Variants in SUGCT observed in about 807,000 individuals in gnomAD.
SUGCT encodes the protein succinyl-CoA:glutarate-CoA transferase.
Under a neutral mutation model 55.0 loss-of-function variants are expected in SUGCT, and 41 were observed. The ratio of observed to expected loss-of-function variants is 0.74; its 90% CI spans 0.58 to 0.97. SUGCT has a LOEUF of 0.97. SUGCT is among the 50% of genes least tolerant of loss of function. The pLI, the probability that SUGCT is intolerant of heterozygous loss-of-function variation, is 0.00. For missense variants in SUGCT, 568 were observed against 547.8 expected, an observed-to-expected ratio of 1.04 and a Z score of -0.37; for synonymous variants, 187 against 200.4, an observed-to-expected ratio of 0.93 and a Z score of 0.56.
intron 8 of SUGCT, among the ~76,000 whole-genome samples, chr7:40,290,893 A>AG (rs1276353844): frequency 6.6e-6 from 1 of 152,242 alleles, no homozygotes; most frequent in Non-Finnish European, 1.5e-5. Flanking sequence ...CAGCCAAAAA[A>AG]CACATGAAAA....
At chr7:40,288,252 A>T (rs558811019) in intron 8 of SUGCT, among the ~76,000 whole-genome samples, 1 of 151,940 alleles carries the variant, frequency 6.6e-6, no homozygotes, top group South Asian at 2.1e-4. Flanking sequence ...ATTAGTACTA[A>T]TTTTTCTTTT....
At chr7:40,800,741 A>C (rs1790776133) in intron 13 of SUGCT, among the ~76,000 whole-genome samples, 1 of 152,186 alleles carries the variant, frequency 6.6e-6, no homozygotes. Flanking sequence ...AGAGGGTTCT[A>C]TATTGTGTAC....
rs888836027 is a variant in SUGCT at position 40,670,556 on chromosome 7, T to G, written c.1090-78878T>G. ...CACATAAATCTGACATTAAAAAAAT[T>G]TTTTTTAGAGTCATTGTCTTGCCAT... On this transcript the variant is annotated intron_variant, in intron 12 of 13. Coordinates refer to ENST00000335693, the MANE Select transcript of SUGCT (RefSeq NM_001193313.2). Among the ~76,000 whole-genome samples the G allele has an allele frequency of 1.1e-4, 17 of 152,016 alleles. 1 individual carries two copies. Among genetic ancestry groups the G allele is most frequent in the Admixed American group, 1.1e-3 (17 of 15,262 alleles).
At chr7:40,485,229 C>G (rs1036423163) in intron 11 of SUGCT, among the ~76,000 whole-genome samples, 1 of 151,908 alleles carries the variant, frequency 6.6e-6, no homozygotes, top group South Asian at 2.1e-4. Context: ...TTGTAGCACA[C>G]TTCCTGTGTT....
chr7:40,802,318 A>G (rs1790866841), intron 13 of SUGCT, among the ~76,000 whole-genome samples: 1 of 152,000 alleles, frequency 6.6e-6, no homozygotes, highest in Admixed American at 6.5e-5. Context: ...AGACACACAC[A>G]CACACGCACA....
intron 12 of SUGCT, among the ~76,000 whole-genome samples, chr7:40,570,322 C>T (rs1796373267): frequency 6.6e-6 from 1 of 152,230 alleles, no homozygotes; most frequent in East Asian, 1.9e-4. Context: ...CTATCAGTTA[C>T]TGTATAAAGG....
intron 13 of SUGCT, among the ~76,000 whole-genome samples, chr7:40,800,734 G>C (rs190378427): frequency 1.3e-5 from 2 of 152,136 alleles, no homozygotes; most frequent in Non-Finnish European, 2.9e-5. Flanking sequence ...GGCATACAGA[G>C]GGTTCTATAT....
chr7:40,431,763 T>C (rs982231546), intron 9 of SUGCT, among the ~76,000 whole-genome samples: 1 of 152,192 alleles, frequency 6.6e-6, no homozygotes, highest in African/African-American at 2.4e-5. Context: ...GTTGGTTCTA[T>C]TTAGATATTT....
At chr7:40,389,457 A>AC (rs1785297192) in intron 9 of SUGCT, among the ~76,000 whole-genome samples, 1 of 146,336 alleles carries the variant, frequency 6.8e-6, no homozygotes, top group Non-Finnish European at 1.5e-5. Flanking sequence ...AAACAAACAA[A>AC]CAAACAAACA....
the SUGCT span, among the ~76,000 whole-genome samples, chr7:40,933,933 C>T: frequency 7.2e-5 from 11 of 152,192 alleles, no homozygotes; most frequent in Non-Finnish European, 1.6e-4. Flanking sequence ...AAGCCTACTT[C>T]TCTCAACTCA....
chr7:40,971,051 A>T, the SUGCT span, among the ~76,000 whole-genome samples: 15 of 152,252 alleles, frequency 9.9e-5, no homozygotes, highest in African/African-American at 3.4e-4. Flanking sequence ...TATTTTTTCA[A>T]AACAGAGGTT....
the SUGCT span, among the ~76,000 whole-genome samples, chr7:41,032,221 A>C: frequency 3.3e-5 from 5 of 152,276 alleles, no homozygotes; most frequent in African/African-American, 1.2e-4. Context: ...TGGGGTACAC[A>C]CTGCTGGTTA....
At chr7:40,869,311 C>T in the SUGCT span, among the ~76,000 whole-genome samples, 1 of 152,050 alleles carries the variant, frequency 6.6e-6, no homozygotes, top group Non-Finnish European at 1.5e-5. Context: ...ATTTGAAGCA[C>T]AAAGGGGATT....
the SUGCT span, among the ~76,000 whole-genome samples, chr7:40,883,750 G>A: frequency 6.6e-6 from 1 of 152,134 alleles, no homozygotes; most frequent in African/African-American, 2.4e-5. Context: ...ACGTAAACAT[G>A]CTTAACTTCC....
chr7:40,866,203 C>G, the SUGCT span, among the ~76,000 whole-genome samples: 1 of 152,144 alleles, frequency 6.6e-6, no homozygotes, highest in Non-Finnish European at 1.5e-5. Flanking sequence ...TTTCTTTCCA[C>G]CCCTCTTACC....
At chr7:40,979,652 TGAG>T in the SUGCT span, 3 of 152,202 alleles carry the variant, frequency 2.0e-5, no homozygotes, top group Non-Finnish European at 4.4e-5. Flanking sequence ...CACAGCTTCA[TGAG>T]GAGAAGGGTG....
intron 8 of SUGCT, among the ~76,000 whole-genome samples, chr7:40,296,598 C>T (rs1364000815): frequency 6.9e-6 from 1 of 144,364 alleles, no homozygotes; most frequent in East Asian, 2.1e-4. Flanking sequence ...GGGAGAGAGA[C>T]AGAGTGAGTG....
chr7:40,149,665 C>G (rs1476519797), intron 1 of SUGCT, among the ~76,000 whole-genome samples: 1 of 152,172 alleles, frequency 6.6e-6, no homozygotes, highest in African/African-American at 2.4e-5. Flanking sequence ...CGCCTGTAAT[C>G]TCAGCACTTT....
chr7:40,714,411 A>T (rs1342559661), intron 12 of SUGCT, among the ~76,000 whole-genome samples: 2 of 152,150 alleles, frequency 1.3e-5, no homozygotes, highest in Non-Finnish European at 2.9e-5. Context: ...AATTCAAAAG[A>T]TTCTCTGAGA....
Sources: gnomAD v4.1 joint callset for allele counts (sites outside exome capture counted in the v4.1 genomes callset) on GRCh38, gnomAD v4.1.1 for gene constraint, MANE v1.5 for transcripts, NCBI Gene and HGNC (gene_info 2026-07-23, HGNC 2026-07-21) for gene names.